Variants in PACSIN1 observed in about 807,000 individuals in gnomAD.
PACSIN1 encodes protein kinase C and casein kinase substrate in neurons protein 1.
In PACSIN1, 15 loss-of-function variants were observed where a neutral mutation model predicts 59.5. The observed-to-expected ratio is 0.25, with a 90% CI of 0.17 to 0.39. The LOEUF is 0.39. Ranked by LOEUF, PACSIN1 falls within the 10% of genes least tolerant of loss-of-function variation. The probability of loss-of-function intolerance (pLI) is 1.00; values close to 1 mark genes in which losing one functional copy is unlikely to be tolerated. For synonymous variants in PACSIN1, 210 were observed against 220.6 expected (o/e 0.95, Z 0.42); for missense variants, 420 against 580.2 (o/e 0.72, Z 2.84).
chr6:34,524,263 AG>A (rs1767446718), intron 1 of PACSIN1, among the ~76,000 whole-genome samples: 1 of 152,188 alleles, frequency 6.6e-6, no homozygotes, highest in Admixed American at 6.5e-5. Context: ...CCATGCTGAC[AG>A]CACACTCCAT....
chr6:34,482,638 G>C (rs1416186381), intron 1 of PACSIN1, among the ~76,000 whole-genome samples: 2 of 151,462 alleles, frequency 1.3e-5, no homozygotes, highest in Non-Finnish European at 2.9e-5. Flanking sequence ...TATATACCTA[G>C]GAGTAGAATT....
Position 34,532,440 on chromosome 6 carries a change from G to A in PACSIN1, c.1245G>A (p.Leu415=), listed in dbSNP as rs1185963295. ...TCCCAGGAGACGAACTCACCAAGCT[G>A]GGCGAGGAGGATGAGCAGGGCTGGT... The part of the protein sequence containing the change: ...SFKAGDELTK[L]GEEDEQGWCR... The change falls in exon 10 of 10, where the codon CTG becomes CTA. Residue 415 remains leucine, a synonymous_variant. Coordinates refer to ENST00000244458, the MANE Select transcript of PACSIN1 (RefSeq NM_020804.5). The surrounding 1 kb of genome is among the most constrained non-coding windows in gnomAD (Gnocchi z 5.2). 1.3e-6 allele frequency: 2 copies of A among 1,572,324 alleles called. No homozygotes were observed.
intron 1 of PACSIN1, among the ~76,000 whole-genome samples, chr6:34,473,722 A>G: frequency 6.6e-6 from 1 of 152,026 alleles, no homozygotes; most frequent in African/African-American, 2.4e-5. Flanking sequence ...TTATTTGCAA[A>G]CTTTTTATTG....
intron 1 of PACSIN1, among the ~76,000 whole-genome samples, chr6:34,475,995 A>G (rs1766634118): frequency 6.6e-6 from 1 of 152,174 alleles, no homozygotes; most frequent in Admixed American, 6.5e-5. Context: ...TTTTACTCTC[A>G]AGCATTCATC....
chr6:34,468,821 G>T (rs971387411), intron 1 of PACSIN1, among the ~76,000 whole-genome samples: 2 of 152,230 alleles, frequency 1.3e-5, no homozygotes, highest in African/African-American at 4.8e-5. Flanking sequence ...TGTGGGGTCT[G>T]TGGGGGCAGA....
chr6:34,531,720 G>T lies in PACSIN1; in HGVS notation c.1158G>T (p.Lys386Asn). The T allele has an allele frequency of 6.2e-7, 1 of 1,610,022 alleles. No homozygotes were observed. ...GGANPFEDDS[K>N]GVRVRALYDY... ...CCAACCCCTTTGAGGACGACTCCAAGGGAGTGCGCGTGCGGGCACTCTACG... is the reference window on the plus strand; with the variant it reads ...CCAACCCCTTTGAGGACGACTCCAATGGAGTGCGCGTGCGGGCACTCTACG... Residue 386 changes from lysine to asparagine, a missense_variant, in exon 9 of 10, where the codon AAG becomes AAT. Coordinates refer to ENST00000244458, the MANE Select transcript of PACSIN1 (RefSeq NM_020804.5). The surrounding 1 kb of genome is among the most constrained non-coding windows in gnomAD (Gnocchi z 4.4).
intron 1 of PACSIN1, among the ~76,000 whole-genome samples, chr6:34,495,840 C>T (rs1367575881): frequency 6.6e-6 from 1 of 152,198 alleles, no homozygotes; most frequent in Non-Finnish European, 1.5e-5. Context: ...GTTTCCATCT[C>T]CCCCGTTTCT....
chr6:34,512,832 T>C (rs1286165413), intron 1 of PACSIN1, among the ~76,000 whole-genome samples: 2 of 152,258 alleles, frequency 1.3e-5, no homozygotes, highest in Non-Finnish European at 2.9e-5. Context: ...ATGGAATCAA[T>C]GTGAGGCACT....
At chr6:34,491,487 G>T (rs929961444) in intron 1 of PACSIN1, among the ~76,000 whole-genome samples, 1 of 152,138 alleles carries the variant, frequency 6.6e-6, no homozygotes, top group Non-Finnish European at 1.5e-5. Context: ...CACCAACTGG[G>T]GTAGGTTAGG....
In PACSIN1 at chr6:34,532,805, CAA is replaced by C; in HGVS notation, c.*277_*278del. 1 of 383,216 alleles carries C rather than the reference CAA, an allele frequency of 2.6e-6. No individual in the cohort carries two copies. Among genetic ancestry groups the C allele is most frequent in the Non-Finnish European group, 4.7e-6 (1 of 211,278 alleles). The allele number at this position is 383,216 out of a possible 1,614,324, so 23.7% of individuals were successfully genotyped here. ...ACAACATCTGCTCTTCGGGTTCCACCAAAGAGTCTCCTGAGCCCTGAGGGATG... is the reference window on the plus strand; with the variant it reads ...ACAACATCTGCTCTTCGGGTTCCACCAGAGTCTCCTGAGCCCTGAGGGATG... On this transcript the variant is annotated 3_prime_UTR_variant, in exon 10 of 10. Transcript: ENST00000244458. The surrounding 1 kb of genome is among the most constrained non-coding windows in gnomAD (Gnocchi z 5.2).
intron 1 of PACSIN1, among the ~76,000 whole-genome samples, chr6:34,503,048 A>G (rs1367186167): frequency 6.6e-6 from 1 of 152,100 alleles, no homozygotes; most frequent in Non-Finnish European, 1.5e-5. Flanking sequence ...TTGGAATCCA[A>G]AAGCTTGATT....
chr6:34,499,196 G>A (rs1766989806), intron 1 of PACSIN1, among the ~76,000 whole-genome samples: 1 of 151,958 alleles, frequency 6.6e-6, no homozygotes, highest in South Asian at 2.1e-4. Flanking sequence ...CATAAGGAGT[G>A]TGCAACCTAG....
At position 34,532,387 on chromosome 6, in the gene PACSIN1, C is replaced by T; in HGVS notation, c.1226-34C>T. ...GGTGCGTTGAGGGAGGGGCAGCCTT[C>T]TCTCTGAGCCCCTCCCTGTGTTCTC... is the stretch of plus-strand genomic sequence containing the variant. On this transcript the variant is annotated intron_variant, in intron 9 of 9. Transcript: ENST00000244458. This position sits in a 1 kb window ranked among gnomAD's most constrained non-coding sequence, Gnocchi z 5.2. 1 of 1,421,688 alleles carries T rather than the reference C, an allele frequency of 7.0e-7. No individual in the cohort carries two copies. Among genetic ancestry groups the T allele is most frequent in the South Asian group, 1.2e-5 (1 of 81,516 alleles). 88.1% of individuals were successfully genotyped at this position (1,421,688 alleles called of 1,614,324 possible). A position where few individuals can be genotyped will look rare whatever the true frequency, so the allele number is the denominator to read the frequency against.
At chr6:34,495,456 T>C (rs1202262195) in intron 1 of PACSIN1, among the ~76,000 whole-genome samples, 1 of 151,412 alleles carries the variant, frequency 6.6e-6, no homozygotes, top group African/African-American at 2.4e-5. Context: ...GAATATCCTT[T>C]TTTTTTTTTT....
chr6:34,474,790 G>GGA (rs763870412), intron 1 of PACSIN1, among the ~76,000 whole-genome samples: 20 of 78,342 alleles, frequency 2.6e-4, no homozygotes, highest in South Asian at 5.5e-4. Flanking sequence ...CTCTGTCTCA[G>GGA]AAAAAAAAAA....
chr6:34,484,218 A>G (rs916044841), intron 1 of PACSIN1, among the ~76,000 whole-genome samples: 1 of 152,198 alleles, frequency 6.6e-6, no homozygotes, highest in African/African-American at 2.4e-5. Flanking sequence ...CAATAGGCAA[A>G]TGGTTATATA....
At chr6:34,494,503 C>T (rs370166007) in intron 1 of PACSIN1, among the ~76,000 whole-genome samples, 20 of 152,228 alleles carry the variant, frequency 1.3e-4, no homozygotes, top group South Asian at 4.2e-4. Flanking sequence ...AGTGCAGTGA[C>T]GCATTCATAG....
At chr6:34,466,975 C>T (rs371419736) in intron 1 of PACSIN1, among the ~76,000 whole-genome samples, 2 of 152,132 alleles carry the variant, frequency 1.3e-5, no homozygotes, top group African/African-American at 4.8e-5. Flanking sequence ...GTGGCAAACC[C>T]GGGAGCTTGG....
Position 34,532,468 on chromosome 6 carries a change from C to G in PACSIN1, c.1273C>G (p.Arg425Gly). The G allele has an allele frequency of 6.3e-7, 1 of 1,576,782 alleles. No individual in the cohort carries two copies. Among genetic ancestry groups the G allele is most frequent in the Non-Finnish European group, 8.6e-7 (1 of 1,160,868 alleles). ...LGEEDEQGWCRGRLDSGQLGL... is the reference protein window; with the variant it reads ...LGEEDEQGWCGGRLDSGQLGL... Reference sequence around the variant, plus strand: ...CGAGGAGGATGAGCAGGGCTGGTGCCGTGGGCGGCTGGACAGCGGGCAGCT... The same window carrying G: ...CGAGGAGGATGAGCAGGGCTGGTGCGGTGGGCGGCTGGACAGCGGGCAGCT... Residue 425 changes from arginine to glycine, a missense_variant, in exon 10 of 10, where the codon CGT becomes GGT. Coordinates refer to ENST00000244458, the MANE Select transcript of PACSIN1 (RefSeq NM_020804.5). The surrounding 1 kb of genome is among the most constrained non-coding windows in gnomAD (Gnocchi z 5.2).
Sources: gnomAD v4.1 joint callset for allele counts (sites outside exome capture counted in the v4.1 genomes callset) on GRCh38, gnomAD v4.1.1 for gene constraint, Gnocchi (gnomAD v3.1) non-coding constraint, MANE v1.5 for transcripts, NCBI Gene and HGNC (gene_info 2026-07-23, HGNC 2026-07-21) for gene names.